CSMD1: variants seen among roughly 807,000 people sequenced by gnomAD.
CSMD1 encodes CUB and Sushi multiple domains 1, also known as CUB and sushi domain-containing protein 1.
Under a neutral mutation model 417.5 loss-of-function variants are expected in CSMD1, and 213 were observed. The ratio of observed to expected loss-of-function variants is 0.51; its 90% confidence interval spans 0.46 to 0.57. The LOEUF (loss-of-function observed/expected upper bound fraction) is 0.57. CSMD1 is among the 20% of genes least tolerant of loss of function. The probability of loss-of-function intolerance (pLI) is 0.00; values close to 1 mark genes in which losing one functional copy is unlikely to be tolerated. For synonymous variants in CSMD1, 2,862 were observed against 1,736.8 expected (o/e 1.65, Z -16.11); for missense variants, 6,923 against 4,529.7 (o/e 1.53, Z -15.17).
chr8:4,746,678 C>A (rs1810974782), intron 1 of CSMD1, among the ~76,000 whole-genome samples: 1 of 152,140 alleles, frequency 6.6e-6, no homozygotes, highest in Non-Finnish European at 1.5e-5. Context: ...ATTTATGCAT[C>A]TGCTGCTGAG....
At chr8:3,789,724 TA>T (rs1227061422) in intron 5 of CSMD1, among the ~76,000 whole-genome samples, 3 of 129,570 alleles carry the variant, frequency 2.3e-5, no homozygotes, top group Non-Finnish European at 4.6e-5. Context: ...TGATCATGGT[TA>T]ATTTTTTTTT....
rs2117186989 is a variant in CSMD1, at chr8:3,468,692, G to C, written c.1561+20C>G. 6.0e-6 allele frequency: 9 copies of C among 1,494,414 alleles called. No homozygotes were observed. The highest frequency in any genetic ancestry group is 7.4e-6 in the Non-Finnish European group (8 of 1,084,474). 92.6% of individuals were successfully genotyped at this position (1,494,414 alleles called of 1,614,324 possible). A position where few individuals can be genotyped will look rare whatever the true frequency, so the allele number is the denominator to read the frequency against. On this transcript the variant is annotated intron_variant, in intron 12 of 69. Coordinates refer to ENST00000635120, the MANE Select transcript of CSMD1 (RefSeq NM_033225.6). ...TTGGAATGCTAACTTCCAACCCTGTGAAGTGTAATCTCATCATACCTTGGT... is the reference window on the plus strand; with the variant it reads ...TTGGAATGCTAACTTCCAACCCTGTCAAGTGTAATCTCATCATACCTTGGT...
At chr8:4,698,921 C>A (rs1477016360) in intron 1 of CSMD1, among the ~76,000 whole-genome samples, 2 of 151,910 alleles carry the variant, frequency 1.3e-5, no homozygotes, top group Non-Finnish European at 2.9e-5. Flanking sequence ...CACACACACA[C>A]ACACACACAC....
chr8:3,652,077 C>G (rs1037408028), intron 7 of CSMD1, among the ~76,000 whole-genome samples: 1 of 149,478 alleles, frequency 6.7e-6, no homozygotes, highest in East Asian at 2.0e-4. Context: ...CCCATCAGAG[C>G]GCTTACCACC....
In CSMD1 at chr8:3,218,406, A is replaced by C. The variant is rs74392037; in HGVS notation, c.4672+849T>G. Reference sequence around the variant, plus strand: ...GAAACCCCGTCTCTACTAAAAATACAAAAAATCAGCCGGGCGTGGTGGCAG... The same window carrying C: ...GAAACCCCGTCTCTACTAAAAATACCAAAAATCAGCCGGGCGTGGTGGCAG... On this transcript the variant is annotated intron_variant, in intron 29 of 69. Transcript: ENST00000635120. Among the ~76,000 whole-genome samples the C allele has an allele frequency of 6.5e-3, 989 of 151,838 alleles. 21 individuals carry two copies. In the East Asian group the frequency reaches 0.087, roughly 13 times the overall value.
chr8:4,452,872 G>A (rs928715699), intron 2 of CSMD1, among the ~76,000 whole-genome samples: 7 of 152,264 alleles, frequency 4.6e-5, no homozygotes, highest in South Asian at 2.1e-4. Context: ...TAGGAAGGCC[G>A]ACTGTGAAAC....
chr8:3,595,048 T>C (rs1407385196), intron 8 of CSMD1, among the ~76,000 whole-genome samples: 1 of 152,184 alleles, frequency 6.6e-6, no homozygotes, highest in Non-Finnish European at 1.5e-5. Context: ...CGTGAACCCT[T>C]GGGAACATTC....
At chr8:4,683,805 T>C (rs948470481) in intron 1 of CSMD1, among the ~76,000 whole-genome samples, 2 of 152,166 alleles carry the variant, frequency 1.3e-5, no homozygotes, top group East Asian at 3.9e-4. Context: ...CAAGAAAAAA[T>C]GGCAGTAAAA....
chr8:4,229,034 C>T (rs1264812017), intron 3 of CSMD1, among the ~76,000 whole-genome samples: 1 of 152,210 alleles, frequency 6.6e-6, no homozygotes. Context: ...ATCCGACTGT[C>T]TTCTCAACCA....
intron 52 of CSMD1, among the ~76,000 whole-genome samples, chr8:3,005,710 A>C (rs1463582667): frequency 6.6e-6 from 1 of 152,088 alleles, no homozygotes; most frequent in Non-Finnish European, 1.5e-5. Context: ...GGCCTTTGAC[A>C]AAATTCAACA....
intron 50 of CSMD1, among the ~76,000 whole-genome samples, chr8:3,035,170 C>T (rs961292966): frequency 3.9e-5 from 6 of 152,192 alleles, no homozygotes; most frequent in African/African-American, 1.4e-4. Flanking sequence ...TCCTAAGATA[C>T]AGGGCTGTTC....
intron 3 of CSMD1, among the ~76,000 whole-genome samples, chr8:4,239,140 A>G (rs1262796396): frequency 6.6e-6 from 1 of 152,210 alleles, no homozygotes; most frequent in East Asian, 1.9e-4. Context: ...TTTACTCCCC[A>G]ATTAAAATCA....
chr8:4,464,442 C>T (rs925670332), intron 2 of CSMD1, among the ~76,000 whole-genome samples: 1 of 152,172 alleles, frequency 6.6e-6, no homozygotes, highest in African/African-American at 2.4e-5. Flanking sequence ...ACACTCAGAA[C>T]ACGCACATTA....
chr8:3,276,891 C>A (rs552603066), intron 26 of CSMD1, among the ~76,000 whole-genome samples: 1 of 152,128 alleles, frequency 6.6e-6, no homozygotes, highest in Non-Finnish European at 1.5e-5. Flanking sequence ...GACCATCTGC[C>A]CTCAAGTAAC....
intron 7 of CSMD1, among the ~76,000 whole-genome samples, chr8:3,668,653 G>A (rs779132318): frequency 6.6e-6 from 1 of 152,042 alleles, no homozygotes; most frequent in Non-Finnish European, 1.5e-5. Flanking sequence ...GTGCAATATA[G>A]AAGCTCAGTC....
At chr8:4,367,240 T>TC (rs1422435020) in intron 3 of CSMD1, among the ~76,000 whole-genome samples, 1 of 151,830 alleles carries the variant, frequency 6.6e-6, no homozygotes, top group East Asian at 1.9e-4. Context: ...AAGGAAGGGG[T>TC]CCAGTCTCAT....
intron 1 of CSMD1, among the ~76,000 whole-genome samples, chr8:4,818,138 T>G (rs563413529): frequency 2.6e-5 from 4 of 152,124 alleles, no homozygotes; most frequent in Non-Finnish European, 5.9e-5. Flanking sequence ...ACTCGTAAAA[T>G]TGCATAATTT....
chr8:4,875,443 T>C (rs1802987471), intron 1 of CSMD1, among the ~76,000 whole-genome samples: 1 of 152,060 alleles, frequency 6.6e-6, no homozygotes, highest in Admixed American at 6.5e-5. Context: ...TAAATATGAA[T>C]TAAAGCTAAA....
At chr8:4,666,350 G>A (rs949299702) in intron 1 of CSMD1, among the ~76,000 whole-genome samples, 5 of 152,260 alleles carry the variant, frequency 3.3e-5, no homozygotes, top group African/African-American at 1.2e-4. Flanking sequence ...CTTTTAACAT[G>A]GAAGAGGGAG....
Sources: gnomAD v4.1 joint callset for allele counts (sites outside exome capture counted in the v4.1 genomes callset) on GRCh38, gnomAD v4.1.1 for gene constraint, MANE v1.5 for transcripts, NCBI Gene and HGNC (gene_info 2026-07-23, HGNC 2026-07-21) for gene names.